The following ATP1B1 variants were observed in gnomAD, a reference collection of about 807,000 sequenced individuals.
ATP1B1 encodes sodium/potassium-transporting ATPase subunit beta-1.
Under a neutral mutation model 39.6 loss-of-function variants are expected in ATP1B1, and 3 were observed. The observed-to-expected ratio is 0.08, with a 90% CI of 0.03 to 0.20. The LOEUF (loss-of-function observed/expected upper bound fraction) is 0.20, where lower values mean the gene tolerates loss of function less well. Ranked by LOEUF, ATP1B1 falls within the 10% of genes least tolerant of loss-of-function variation. ATP1B1 has a pLI of 1.00. For synonymous variants in ATP1B1, 139 were observed against 135.0 expected (o/e 1.03, Z -0.20); for missense variants, 216 against 371.1 (o/e 0.58, Z 3.43).
intron 1 of ATP1B1, 89 bp downstream of exon 1, chr1:169,107,015 AC>A: frequency 7.8e-7 from 1 of 1,287,056 alleles, no homozygotes; most frequent in Non-Finnish European, 1.1e-6. Context: ...CCGGTTCCGC[AC>A]CCACCGCGCT....
intron 1 of ATP1B1, chr1:169,110,642 A>G (rs1321530343): frequency 7.8e-7 from 1 of 1,284,424 alleles, no homozygotes; most frequent in Admixed American, 2.3e-5. Flanking sequence ...TGGGAAAAAG[A>G]AAATGCAGCC....
intron 2 of ATP1B1, among the ~76,000 whole-genome samples, chr1:169,119,823 A>G (rs1158038221): frequency 6.6e-6 from 1 of 152,174 alleles, no homozygotes; most frequent in East Asian, 1.9e-4. Context: ...TAAGTTGGGA[A>G]CTGTCTGTAA....
rs1385383141 is a variant in ATP1B1 at position 169,131,681 on chromosome 1, C to T, written c.*126C>T. 1 of 1,082,770 alleles carries T rather than the reference C, an allele frequency of 9.2e-7. No individual in the cohort carries two copies. Among genetic ancestry groups the T allele is most frequent in the Non-Finnish European group, 1.3e-6 (1 of 771,524 alleles). The allele number at this position is 1,082,770 out of a possible 1,614,324, so 67.1% of individuals were successfully genotyped here. A position where few individuals can be genotyped will look rare whatever the true frequency, so the allele number is the denominator to read the frequency against. Reference sequence around the variant, plus strand: ...CTACACTTAATCTATATGCTTTACACTAGCTTTCTGCATTTAATAGGTTAG... The same window carrying T: ...CTACACTTAATCTATATGCTTTACATTAGCTTTCTGCATTTAATAGGTTAG... On this transcript the variant is annotated 3_prime_UTR_variant, in exon 6 of 6. Transcript: ENST00000367815. The surrounding 1 kb of genome is among the most constrained non-coding windows in gnomAD (Gnocchi z 4.4).
intron 1 of ATP1B1, among the ~76,000 whole-genome samples, chr1:169,109,765 G>A (rs1429954971): frequency 1.3e-5 from 2 of 150,502 alleles, no homozygotes; most frequent in Non-Finnish European, 3.0e-5. Flanking sequence ...AGAGCACCAA[G>A]ATGAGGTGGG....
At chr1:169,125,151 A>G (rs767810489) in intron 3 of ATP1B1, 112 bp downstream of exon 3, 1 of 1,361,440 alleles carries the variant, frequency 7.3e-7, no homozygotes, top group African/African-American at 1.5e-5. Context: ...ATAATGAAAG[A>G]TTGAACTCTG....
At chr1:169,107,287 TAA>T (rs111233418) in intron 1 of ATP1B1, among the ~76,000 whole-genome samples, 4 of 149,578 alleles carry the variant, frequency 2.7e-5, no homozygotes, top group Admixed American at 6.7e-5. Context: ...CCTGAGTCCT[TAA>T]AAAAAAAATG....
At chr1:169,127,106 T>C in intron 3 of ATP1B1, 118 bp from the exon 4 acceptor site, 4 of 1,082,944 alleles carry the variant, frequency 3.7e-6, no homozygotes, top group Non-Finnish European at 5.0e-6. Flanking sequence ...GATCATGCAT[T>C]AAATGCAGAA....
intron 5 of ATP1B1, among the ~76,000 whole-genome samples, chr1:169,130,643 TG>T (rs1263014122): frequency 6.6e-6 from 1 of 151,876 alleles, no homozygotes; most frequent in East Asian, 1.9e-4. Context: ...AAAAATTAGC[TG>T]GGCGTGGCGG....
chr1:169,110,031 C>CTTCT (rs1284725475), intron 1 of ATP1B1, among the ~76,000 whole-genome samples: 1 of 152,026 alleles, frequency 6.6e-6, no homozygotes, highest in Non-Finnish European at 1.5e-5. Context: ...CTTATCTTTA[C>CTTCT]TTCTGTCTTT....
At chr1:169,129,150 G>GT (rs1192637815) in intron 4 of ATP1B1, among the ~76,000 whole-genome samples, 7 of 152,158 alleles carry the variant, frequency 4.6e-5, no homozygotes, top group Non-Finnish European at 8.8e-5. Flanking sequence ...ATCCAAAACA[G>GT]AGTAGTAGCA....
chr1:169,116,957 T>C (rs1273547556), intron 2 of ATP1B1, among the ~76,000 whole-genome samples: 1 of 152,198 alleles, frequency 6.6e-6, no homozygotes, highest in Non-Finnish European at 1.5e-5. Context: ...AGTCATTATG[T>C]CAGTCTCAGA....
At chr1:169,115,106 A>G (rs1055766656) in intron 2 of ATP1B1, among the ~76,000 whole-genome samples, 7 of 148,110 alleles carry the variant, frequency 4.7e-5, no homozygotes, top group Admixed American at 1.4e-4. Flanking sequence ...AATGGCGTGA[A>G]CCCGGGAGGC....
chr1:169,130,330 A>G (rs760184793), intron 5 of ATP1B1, among the ~76,000 whole-genome samples: 3 of 152,186 alleles, frequency 2.0e-5, no homozygotes, highest in Non-Finnish European at 4.4e-5. Flanking sequence ...AAGAAACTCA[A>G]ATATCTGAAT....
At chr1:169,113,256 A>C (rs2101776558) in intron 2 of ATP1B1, among the ~76,000 whole-genome samples, 1 of 151,890 alleles carries the variant, frequency 6.6e-6, no homozygotes, top group South Asian at 2.1e-4. Context: ...AGTAGAGACA[A>C]GGTTTCACCA....
At chr1:169,110,564 A>AGT (rs1657705779) in intron 1 of ATP1B1, 1 of 730,924 alleles carries the variant, frequency 1.4e-6, no homozygotes, top group Non-Finnish European at 1.8e-6. Flanking sequence ...CTATGTGTTG[A>AGT]GTCTTTTTTT....
chr1:169,116,057 G>A (rs993122830), intron 2 of ATP1B1, among the ~76,000 whole-genome samples: 15 of 152,234 alleles, frequency 9.9e-5, no homozygotes, highest in Admixed American at 2.6e-4. Context: ...GCACACCCAC[G>A]TGCATGCCCA....
At chr1:169,123,571 CTATA>C (rs137855243) in intron 2 of ATP1B1, among the ~76,000 whole-genome samples, 3 of 147,600 alleles carry the variant, frequency 2.0e-5, no homozygotes, top group South Asian at 2.1e-4. Context: ...TTCAGTTAAA[CTATA>C]TCTCTCTCTC....
At chr1:169,112,919 G>GTGATAGGGAAGCATTGTGTCTTTTC (rs1657758216) in intron 2 of ATP1B1, among the ~76,000 whole-genome samples, 1 of 152,208 alleles carries the variant, frequency 6.6e-6, no homozygotes, top group Admixed American at 6.5e-5. Context: ...GTTGGGTATG[G>GTGATAGGGAAGCATTGTGTCTTTTC]TGATAGGGAA....
intron 4 of ATP1B1, 70 bp downstream of exon 4, chr1:169,127,478 A>T: frequency 2.3e-5 from 34 of 1,492,710 alleles, no homozygotes; most frequent in Non-Finnish European, 3.1e-5. Context: ...ATCTGAGAAG[A>T]CAATGTAAGA....
Sources: gnomAD v4.1 joint callset for allele counts (sites outside exome capture counted in the v4.1 genomes callset) on GRCh38, gnomAD v4.1.1 for gene constraint, Gnocchi (gnomAD v3.1) non-coding constraint, MANE v1.5 for transcripts, NCBI Gene and HGNC (gene_info 2026-07-23, HGNC 2026-07-21) for gene names.